The following LRRC4C variants were observed in gnomAD, a reference collection of about 807,000 sequenced individuals.
LRRC4C encodes leucine rich repeat containing 4C.
A neutral mutation model predicts 33.6 loss-of-function variants in LRRC4C; 5 were observed. That is an observed-to-expected ratio of 0.15 (90% CI 0.08 to 0.31). The LOEUF (loss-of-function observed/expected upper bound fraction) is 0.31. Among genes scored for constraint, LRRC4C ranks in the 10% least tolerant of loss-of-function variants. The probability of loss-of-function intolerance (pLI) is 1.00; values close to 1 mark genes in which losing one functional copy is unlikely to be tolerated. For missense variants in LRRC4C, 560 were observed against 796.7 expected, an observed-to-expected ratio of 0.70 and a Z score of 3.58; for synonymous variants, 329 against 302.0, an observed-to-expected ratio of 1.09 and a Z score of -0.93.
chr11:40,892,058 C>G (rs372578448), intron 2 of LRRC4C, among the ~76,000 whole-genome samples: 1 of 150,314 alleles, frequency 6.7e-6, no homozygotes, highest in Admixed American at 6.7e-5. Flanking sequence ...TAACTTGAAC[C>G]CGTGAGGCGG....
chr11:41,446,721 T>C (rs1328403082), intron 1 of LRRC4C, among the ~76,000 whole-genome samples: 2 of 152,156 alleles, frequency 1.3e-5, no homozygotes, highest in Non-Finnish European at 2.9e-5. Context: ...GAATCCACAC[T>C]TTCATGGGGT....
chr11:40,445,871 G>T (rs1951612431), intron 3 of LRRC4C: 1 of 152,044 alleles, frequency 6.6e-6, no homozygotes, highest in Admixed American at 6.6e-5. Context: ...TGTCTAGTGG[G>T]GACTGCCTTC....
At chr11:40,382,725 G>A (rs985832081) in intron 3 of LRRC4C, among the ~76,000 whole-genome samples, 3 of 113,310 alleles carry the variant, frequency 2.6e-5, no homozygotes, top group Non-Finnish European at 4.9e-5. Flanking sequence ...ACAGAGTCTC[G>A]CTCTGTCGCC....
intron 3 of LRRC4C, among the ~76,000 whole-genome samples, chr11:40,610,292 C>A (rs1356421230): frequency 6.6e-6 from 1 of 151,666 alleles, no homozygotes; most frequent in Non-Finnish European, 1.5e-5. Flanking sequence ...ATATGAAAAT[C>A]TAAATAGAGT....
At chr11:40,263,441 C>G (rs1278816356) in intron 4 of LRRC4C, among the ~76,000 whole-genome samples, 3 of 152,112 alleles carry the variant, frequency 2.0e-5, no homozygotes, top group African/African-American at 7.2e-5. Context: ...TTCTGTGGCT[C>G]AAATCCAGGG....
chr11:40,794,926 T>C (rs1950765673), intron 2 of LRRC4C, among the ~76,000 whole-genome samples: 1 of 152,180 alleles, frequency 6.6e-6, no homozygotes, highest in African/African-American at 2.4e-5. Context: ...ATTGAGTGCT[T>C]CTAATTAATT....
At chr11:40,374,679 A>G (rs1948589738) in intron 3 of LRRC4C, among the ~76,000 whole-genome samples, 2 of 152,166 alleles carry the variant, frequency 1.3e-5, no homozygotes, top group African/African-American at 4.8e-5. Flanking sequence ...AGCAGAAATT[A>G]GGAGAATCAA....
At chr11:40,308,565 A>G (rs1286802247) in intron 4 of LRRC4C, among the ~76,000 whole-genome samples, 2 of 152,192 alleles carry the variant, frequency 1.3e-5, no homozygotes, top group Admixed American at 6.5e-5. Context: ...GGGTCCTTAT[A>G]AGAGAAAGGC....
chr11:40,746,483 T>C (rs1948428130), intron 2 of LRRC4C, among the ~76,000 whole-genome samples: 1 of 151,876 alleles, frequency 6.6e-6, no homozygotes, highest in African/African-American at 2.4e-5. Flanking sequence ...GCGTGTAGAG[T>C]ACACAGTTTC....
intron 1 of LRRC4C, among the ~76,000 whole-genome samples, chr11:41,142,902 C>G (rs1438354521): frequency 6.6e-6 from 1 of 152,124 alleles, no homozygotes; most frequent in Admixed American, 6.6e-5. Flanking sequence ...TGCAGAAAAA[C>G]AGTGTTCGTG....
At chr11:40,520,286 C>G (rs1176642955) in intron 3 of LRRC4C, among the ~76,000 whole-genome samples, 1 of 152,102 alleles carries the variant, frequency 6.6e-6, no homozygotes, top group African/African-American at 2.4e-5. Flanking sequence ...TGTTCAAAAC[C>G]TGGTAAACTC....
chr11:41,125,013 A>G (rs1261669395), intron 1 of LRRC4C, among the ~76,000 whole-genome samples: 1 of 152,208 alleles, frequency 6.6e-6, no homozygotes, highest in Non-Finnish European at 1.5e-5. Flanking sequence ...GCTACTGTAT[A>G]TATGTTTTCA....
intron 1 of LRRC4C, among the ~76,000 whole-genome samples, chr11:41,168,230 CTG>C (rs1221564220): frequency 7.9e-5 from 12 of 152,138 alleles, no homozygotes; most frequent in African/African-American, 2.9e-4. Flanking sequence ...TCTCAGGACT[CTG>C]TATAATTTCA....
intron 1 of LRRC4C, among the ~76,000 whole-genome samples, chr11:41,267,121 A>G (rs891528505): frequency 6.6e-6 from 1 of 152,156 alleles, no homozygotes; most frequent in Non-Finnish European, 1.5e-5. Context: ...GTTAGCAGAT[A>G]GTACTTTCAC....
intron 1 of LRRC4C, among the ~76,000 whole-genome samples, chr11:40,962,884 T>C (rs1275050680): frequency 6.6e-6 from 1 of 151,716 alleles, no homozygotes; most frequent in African/African-American, 2.4e-5. Context: ...AGCATATTAT[T>C]TGAGATAAAC....
intron 6 of LRRC4C, among the ~76,000 whole-genome samples, chr11:40,138,383 C>A (rs569778799): frequency 1.3e-4 from 20 of 152,230 alleles, no homozygotes; most frequent in African/African-American, 4.6e-4. Context: ...GTTGTCCAGG[C>A]TGAATGAGAT....
chr11:41,249,299 G>T (rs140360329), intron 1 of LRRC4C, among the ~76,000 whole-genome samples: 2,872 of 152,212 alleles, frequency 0.019, 93 homozygotes, highest in African/African-American at 0.066. Context: ...CTCCCAAAGT[G>T]CTGGGATTAC....
At chr11:40,612,008 G>A (rs372757896) in intron 3 of LRRC4C, among the ~76,000 whole-genome samples, 15 of 151,722 alleles carry the variant, frequency 9.9e-5, no homozygotes, top group South Asian at 6.2e-4. Context: ...AAAATAAAAC[G>A]ACCATATGAC....
At chr11:40,924,100 ATG>A (rs755711151) in intron 2 of LRRC4C, among the ~76,000 whole-genome samples, 140 of 144,828 alleles carry the variant, frequency 9.7e-4, no homozygotes, top group African/African-American at 1.6e-3. Flanking sequence ...GTGTGTGTGT[ATG>A]TGTGTGTGTG....
Sources: gnomAD v4.1 joint callset for allele counts (sites outside exome capture counted in the v4.1 genomes callset) on GRCh38, gnomAD v4.1.1 for gene constraint, MANE v1.5 for transcripts, NCBI Gene and HGNC (gene_info 2026-07-23, HGNC 2026-07-21) for gene names.